MAN1A2: variants seen among roughly 807,000 people sequenced by gnomAD.
MAN1A2 encodes mannosyl-oligosaccharide 1,2-alpha-mannosidase IB.
In MAN1A2, 26 loss-of-function variants were observed where a neutral mutation model predicts 75.7. The observed-to-expected ratio is 0.34, with a 90% CI of 0.25 to 0.48. The LOEUF (loss-of-function observed/expected upper bound fraction) is 0.48. MAN1A2 is among the 20% of genes least tolerant of loss of function. MAN1A2 has a pLI of 0.99. For synonymous variants in MAN1A2, 247 were observed against 264.6 expected (o/e 0.93, Z 0.65); for missense variants, 562 against 775.5 (o/e 0.72, Z 3.27).
In MAN1A2 at chr1:117,493,247, T is replaced by C; in HGVS notation, c.1269T>C (p.Tyr423=). ...CAGACCATGAGGCAAGAAAGATGTA[T>C]GATGATGCTATTGAGGTGATTATTT... ...DKTDHEARKM[Y]DDAIEAIEKH... is the part of the protein sequence containing the mutation. Residue 423 remains tyrosine (Y), a synonymous_variant, in exon 9 of 13, where the codon TAT becomes TAC. Transcript: ENST00000356554. 1 of 1,605,778 alleles carries C rather than the reference T, an allele frequency of 6.2e-7. No individual in the cohort carries two copies. Among genetic ancestry groups the C allele is most frequent in the Non-Finnish European group, 8.5e-7 (1 of 1,173,048 alleles).
At position 117,460,477 on chromosome 1, in the gene MAN1A2, CT is replaced by C; in HGVS notation, c.951-8del. 6.3e-7 allele frequency: 1 copy of C among 1,593,530 alleles called. No individual in the cohort carries two copies. The highest frequency in any genetic ancestry group is 8.5e-7 in the Non-Finnish European group (1 of 1,172,374). On this transcript the variant is annotated splice_polypyrimidine_tract_variant and intron_variant, in intron 6 of 12. Coordinates refer to ENST00000356554, the MANE Select transcript of MAN1A2 (RefSeq NM_006699.5). ...AATCCTGTGTCTCCTTTTACTTTTCCTTTTCATTCAGTGGAGTAGGGCGAAA... is the reference window on the plus strand; with the variant it reads ...AATCCTGTGTCTCCTTTTACTTTTCCTTTCATTCAGTGGAGTAGGGCGAAA...
At chr1:117,441,678 G>A (rs1649038551) in intron 5 of MAN1A2, among the ~76,000 whole-genome samples, 1 of 152,024 alleles carries the variant, frequency 6.6e-6, no homozygotes, top group African/African-American at 2.4e-5. Context: ...CTGATATTTA[G>A]GCAATTATTT....
At chr1:117,384,117 C>T (rs1373092204) in intron 1 of MAN1A2, among the ~76,000 whole-genome samples, 1 of 152,062 alleles carries the variant, frequency 6.6e-6, no homozygotes, top group East Asian at 1.9e-4. Flanking sequence ...TTTTTCTATT[C>T]TCTGTTTTAT....
At chr1:117,382,008 C>T (rs1231009483) in intron 1 of MAN1A2, among the ~76,000 whole-genome samples, 4 of 151,726 alleles carry the variant, frequency 2.6e-5, no homozygotes, top group Non-Finnish European at 5.9e-5. Flanking sequence ...CTGTTCATAT[C>T]CTTTGCCCAC....
chr1:117,522,893 C>T lies in MAN1A2; in HGVS notation c.1862C>T (p.Ala621Val). The T allele has an allele frequency of 1.2e-6, 2 of 1,610,656 alleles. No individual in the cohort carries two copies. The highest frequency in any genetic ancestry group is 1.7e-6 in the Non-Finnish European group (2 of 1,177,402). ...GACCACTGGGTGTTTAATACAGAGG[C>T]TCACCCTCTGCCTGTGTTACATTTA... ...PLDHWVFNTEAHPLPVLHLAN... is the reference protein window; with the variant it reads ...PLDHWVFNTEVHPLPVLHLAN... Residue 621 changes from alanine to valine, a missense_variant, in exon 13 of 13, where the codon GCT becomes GTT. By Grantham distance (64) the Ala-to-Val change is moderately conservative (BLOSUM62 0). Around this residue, in one of 2 missense-constraint regions of MAN1A2, gnomAD observed 434 missense variants for 645.7 expected, o/e 0.67. Coordinates refer to ENST00000356554, the MANE Select transcript of MAN1A2 (RefSeq NM_006699.5).
rs149789928 is a variant in MAN1A2 at position 117,479,165 on chromosome 1, A to G, written c.1168+12738A>G. Reference sequence around the variant, plus strand: ...ATTCTGCACTCACTTATAAGTGAGAACATATGGTGTTTGGTTTTCTGTTCC... The same window carrying G: ...ATTCTGCACTCACTTATAAGTGAGAGCATATGGTGTTTGGTTTTCTGTTCC... On this transcript the variant is annotated intron_variant, in intron 8 of 12. Coordinates refer to ENST00000356554, the MANE Select transcript of MAN1A2 (RefSeq NM_006699.5). Among the ~76,000 whole-genome samples the G allele has an allele frequency of 7.4e-3, 1,117 of 151,912 alleles. 18 individuals are homozygous for G. Among genetic ancestry groups the G allele is most frequent in the African/African-American group, 0.026 (1,070 of 41,504 alleles).
At chr1:117,446,970 T>G (rs1029121019) in intron 6 of MAN1A2, among the ~76,000 whole-genome samples, 2 of 152,128 alleles carry the variant, frequency 1.3e-5, no homozygotes, top group Non-Finnish European at 2.9e-5. Context: ...TACTTACACG[T>G]TTATTATATG....
intron 8 of MAN1A2, among the ~76,000 whole-genome samples, chr1:117,486,381 A>G (rs75954147): frequency 2.0e-5 from 3 of 151,916 alleles, no homozygotes; most frequent in African/African-American, 4.8e-5. Context: ...TATTCTCTAT[A>G]ATAAGGAGAA....
intron 12 of MAN1A2, among the ~76,000 whole-genome samples, chr1:117,512,292 A>G (rs577827111): frequency 5.8e-4 from 89 of 152,240 alleles, no homozygotes; most frequent in Middle Eastern, 3.4e-3. Context: ...AACAGTACCA[A>G]CTAATTGTTG....
chr1:117,421,270 A>G (rs1017038930), intron 5 of MAN1A2, among the ~76,000 whole-genome samples: 6 of 152,088 alleles, frequency 3.9e-5, no homozygotes, highest in Non-Finnish European at 8.8e-5. Context: ...TTTTTGAGCA[A>G]CTGTTTCACC....
rs1246829005 is a variant in MAN1A2 at position 117,367,899 on chromosome 1, A to G, written c.-285A>G. 5.8e-6 allele frequency: 2 copies of G among 342,636 alleles called. No homozygotes were observed. The highest frequency in any genetic ancestry group is 4.2e-5 in the African/African-American group (2 of 47,098). 21.2% of individuals were successfully genotyped at this position (342,636 alleles called of 1,614,324 possible). A position where few individuals can be genotyped will look rare whatever the true frequency, so the allele number is the denominator to read the frequency against. ...TTCTGCAGTGTGGCTTGCCTGATCT[A>G]CCCCTAGGAATGAAGAGGAGGCTTG... On this transcript the variant is annotated 5_prime_UTR_variant, in exon 1 of 13. Coordinates refer to ENST00000356554, the MANE Select transcript of MAN1A2 (RefSeq NM_006699.5).
chr1:117,373,997 A>T (rs1653060177), intron 1 of MAN1A2, among the ~76,000 whole-genome samples: 1 of 152,162 alleles, frequency 6.6e-6, no homozygotes, highest in Admixed American at 6.5e-5. Flanking sequence ...TTTATTTTTA[A>T]CTGGGCAAAT....
intron 1 of MAN1A2, among the ~76,000 whole-genome samples, chr1:117,393,112 G>A (rs573016925): frequency 6.6e-6 from 1 of 152,290 alleles, no homozygotes; most frequent in South Asian, 2.1e-4. Flanking sequence ...TGATTCTTAA[G>A]ATGATAATGT....
Position 117,496,994 on chromosome 1 carries a change from A to G in MAN1A2, c.1504+12A>G. On this transcript the variant is annotated intron_variant, in intron 10 of 12. Coordinates refer to ENST00000356554, the MANE Select transcript of MAN1A2 (RefSeq NM_006699.5). ...ATATGACAGAACTGGTAAGAATATT[A>G]ATAAGGCTAATTATATAGTCTAAAA... 1 of 1,589,818 alleles carries G rather than the reference A, an allele frequency of 6.3e-7. No homozygotes were observed. The highest frequency in any genetic ancestry group is 8.6e-7 in the Non-Finnish European group (1 of 1,162,104).
intron 1 of MAN1A2, among the ~76,000 whole-genome samples, chr1:117,397,587 ATATTTAATATGCATTTG>A (rs1476001684): frequency 6.6e-6 from 1 of 151,058 alleles, no homozygotes; most frequent in Non-Finnish European, 1.5e-5. Context: ...ATGGATTTTA[ATATTTAATATGCATTTG>A]TATTGCCTAC....
rs1652079684 is a variant in MAN1A2, at chr1:117,528,416, C to T, written c.*5459C>T. 1.3e-5 allele frequency: 2 copies of T among 151,914 alleles called. No homozygotes were observed. Among genetic ancestry groups the T allele is most frequent in the Non-Finnish European group, 2.9e-5 (2 of 67,950 alleles). The allele number at this position is 151,914 out of a possible 1,614,324, so 9.4% of individuals were successfully genotyped here. On this transcript the variant is annotated 3_prime_UTR_variant, in exon 13 of 13. Coordinates refer to ENST00000356554, the MANE Select transcript of MAN1A2 (RefSeq NM_006699.5). ...AACATGCTGTCAGGTTGCTTCAGCT[C>T]GGTGTGAATGTAAGTGTGGGGATCA...
At chr1:117,508,346 A>G (rs1934248) in intron 12 of MAN1A2, among the ~76,000 whole-genome samples, 37,879 of 151,422 alleles carry the variant, frequency 0.25, 5,518 homozygotes, top group East Asian at 0.47. Flanking sequence ...TAAAGGAAAG[A>G]GAAATAGCAT....
At chr1:117,433,653 T>C (rs920285539) in intron 5 of MAN1A2, among the ~76,000 whole-genome samples, 1 of 152,218 alleles carries the variant, frequency 6.6e-6, no homozygotes, top group Non-Finnish European at 1.5e-5. Context: ...ATAATGACAG[T>C]TGTACTTCTC....
chr1:117,380,594 GT>G (rs1439458255), intron 1 of MAN1A2, among the ~76,000 whole-genome samples: 1 of 152,148 alleles, frequency 6.6e-6, no homozygotes, highest in Non-Finnish European at 1.5e-5. Flanking sequence ...GTGGATATCT[GT>G]TTGTCCCAGC....
Sources: allele counts gnomAD v4.1 joint callset (sites outside exome capture counted in the v4.1 genomes callset), GRCh38; gene constraint gnomAD v4.1.1; regional missense constraint gnomAD v4.1.1; transcripts MANE v1.5; gene names NCBI Gene and HGNC (gene_info 2026-07-23, HGNC 2026-07-21).